Variants in OPN4 observed in about 807,000 individuals in gnomAD.
OPN4 encodes opsin 4.
In OPN4, 43 loss-of-function variants were observed where a neutral mutation model predicts 49.5. That is an observed-to-expected ratio of 0.87 (90% CI 0.68 to 1.12). The LOEUF is 1.12. Among genes scored for constraint, OPN4 ranks in the 50% most tolerant of loss-of-function variants. The pLI is 0.00. For synonymous variants in OPN4, 263 were observed against 258.0 expected, an observed-to-expected ratio of 1.02 and a Z score of -0.19; for missense variants, 657 against 643.9, an observed-to-expected ratio of 1.02 and a Z score of -0.22.
At chr10:86,659,614 A>C (rs1843955384) in intron 5 of OPN4, 146 bp downstream of exon 5, 1 of 1,208,134 alleles carries the variant, frequency 8.3e-7, no homozygotes, top group East Asian at 2.5e-5. Flanking sequence ...ATGGGGCAGC[A>C]GTGTCTAGGG....
intron 2 of OPN4, 94 bp from the exon 3 acceptor site, chr10:86,657,938 C>T (rs528318688): frequency 1.1e-4 from 144 of 1,303,616 alleles, no homozygotes; most frequent in Non-Finnish European, 1.4e-4. Flanking sequence ...GTGTGTGGCA[C>T]GTGTGTGCAC....
In OPN4 at chr10:86,665,756, C is replaced by A. The variant is rs201941468; in HGVS notation, c.*5C>A. On this transcript the variant is annotated 3_prime_UTR_variant, in exon 10 of 10. Transcript: ENST00000241891. ...AGCCAGGACCCCAGGATGTAGGACG[C>A]CCACTGGCTCTCCCTTTCTTCTGAG... 1.8e-5 allele frequency: 29 copies of A among 1,611,568 alleles called. No homozygotes were observed. In the African/African-American group the frequency reaches 3.6e-4, roughly 20 times the overall value.
rs36048742 is a variant in OPN4, at chr10:86,663,524, C to T, written c.1255-135C>T. On this transcript the variant is annotated intron_variant, in intron 8 of 9. Coordinates refer to ENST00000241891, the MANE Select transcript of OPN4 (RefSeq NM_033282.4). Reference sequence around the variant, plus strand: ...ACGGGGTTTATTTGGTGACCGGCAACGGTGCAAATGGTGTCAGGGGCCTCC... The same window carrying T: ...ACGGGGTTTATTTGGTGACCGGCAATGGTGCAAATGGTGTCAGGGGCCTCC... 1,551 of 737,032 alleles carry T rather than the reference C, an allele frequency of 2.1e-3. 22 individuals carry two copies. The African/African-American group carries it at 0.024, about 11-fold the overall frequency. The allele number at this position is 737,032 out of a possible 1,614,324, so 45.7% of individuals were successfully genotyped here. A position where few individuals can be genotyped will look rare whatever the true frequency, so the allele number is the denominator to read the frequency against.
At chr10:86,661,495 G>GC in intron 7 of OPN4, 107 bp downstream of exon 7, 1 of 785,490 alleles carries the variant, frequency 1.3e-6, no homozygotes, top group East Asian at 2.7e-5. Context: ...TAGAATGGGG[G>GC]CCACCAGCAG....
intron 9 of OPN4, among the ~76,000 whole-genome samples, chr10:86,665,044 G>C (rs1003965782): frequency 1.3e-5 from 2 of 152,162 alleles, no homozygotes; most frequent in Admixed American, 1.3e-4. Context: ...GGTGGGGAGT[G>C]GGGGGAGCAC....
Position 86,665,960 on chromosome 10 carries a change from A to C in OPN4, c.*209A>C. 3.5e-6 allele frequency: 2 copies of C among 571,812 alleles called. No homozygotes were observed. The highest frequency in any genetic ancestry group is 6.2e-6 in the Non-Finnish European group (2 of 323,654). 35.4% of individuals were successfully genotyped at this position (571,812 alleles called of 1,614,324 possible). ...ATAACGTCCTCCGCATCCACTTTCC[A>C]GCTCAGCAGCCGCACCCGAGGCTCA... On this transcript the variant is annotated 3_prime_UTR_variant, in exon 10 of 10. Transcript: ENST00000241891.
chr10:86,657,975 T>C (rs1372864366), intron 2 of OPN4, 57 bp from the exon 3 acceptor site: 1 of 1,572,390 alleles, frequency 6.4e-7, no homozygotes, highest in African/African-American at 1.4e-5. Flanking sequence ...TGCGGGAAGC[T>C]CTCCATAGCT....
In OPN4 at chr10:86,658,022, A is replaced by T; in HGVS notation, c.291-10A>T. The T allele has an allele frequency of 6.2e-7, 1 of 1,610,382 alleles. No homozygotes were observed. Among genetic ancestry groups the T allele is most frequent in the Non-Finnish European group, 8.5e-7 (1 of 1,179,356 alleles). On this transcript the variant is annotated splice_polypyrimidine_tract_variant and intron_variant, in intron 2 of 9. Transcript: ENST00000241891. ...AGGAAGCGCCTCCTAACAGCTTCTGATCCTCCCAGGAGCAGAAGCCTCCGG... is the reference window on the plus strand; with the variant it reads ...AGGAAGCGCCTCCTAACAGCTTCTGTTCCTCCCAGGAGCAGAAGCCTCCGG...
Position 86,654,809 on chromosome 10 carries a change from T to TGCCCCC in OPN4, c.26_27insGCCCCC (p.Pro10_Pro11dup). 1 of 1,554,674 alleles carries TGCCCCC rather than the reference T, an allele frequency of 6.4e-7. No individual in the cohort carries two copies. The highest frequency in any genetic ancestry group is 8.9e-7 in the Non-Finnish European group (1 of 1,128,634). ...ATGAACCCTCCTTCGGGGCCAAGAG[T>TGCCCCC]CCCGCCCAGCCCAACCCAAGAGCCC... On this transcript the variant is annotated inframe_insertion, in exon 1 of 10. Transcript: ENST00000241891.
chr10:86,654,988 C>T, intron 1 of OPN4, 61 bp downstream of exon 1: 1 of 1,534,808 alleles, frequency 6.5e-7, no homozygotes. Flanking sequence ...TGGTCCCCTC[C>T]TGGCCACACA....
chr10:86,662,503 A>G, intron 8 of OPN4, 71 bp downstream of exon 8: 1 of 1,436,150 alleles, frequency 7.0e-7, no homozygotes, highest in South Asian at 1.3e-5. Flanking sequence ...GGCTCTGGGG[A>G]ATACATAGGC....
chr10:86,663,905 C>T (rs960786738), intron 9 of OPN4, 103 bp downstream of exon 9: 15 of 1,356,972 alleles, frequency 1.1e-5, no homozygotes, highest in East Asian at 2.6e-5. Context: ...TGGGCAGGGG[C>T]GATATCCTCC....
chr10:86,664,143 C>T (rs576097778), intron 9 of OPN4, among the ~76,000 whole-genome samples: 42 of 152,170 alleles, frequency 2.8e-4, no homozygotes, highest in African/African-American at 9.4e-4. Flanking sequence ...GAGCATAGCT[C>T]GAGCATGTGT....
Position 86,665,905 on chromosome 10 carries a change from C to T in OPN4, c.*154C>T, listed in dbSNP as rs1844162489. 1.6e-6 allele frequency: 1 copy of T among 634,728 alleles called. No individual in the cohort carries two copies. The highest frequency in any genetic ancestry group is 2.8e-6 in the Non-Finnish European group (1 of 359,740). 39.3% of individuals were successfully genotyped at this position (634,728 alleles called of 1,614,324 possible). A position where few individuals can be genotyped will look rare whatever the true frequency, so the allele number is the denominator to read the frequency against. ...GGGATTCACAGCCCCAGCCCCATGG[C>T]CCCTCTCCACACCTCAAAACTCCTG... On this transcript the variant is annotated 3_prime_UTR_variant, in exon 10 of 10. Transcript: ENST00000241891.
intron 2 of OPN4, chr10:86,657,341 G>A (rs1386552867): frequency 1.5e-5 from 11 of 724,376 alleles, no homozygotes; most frequent in Admixed American, 5.5e-5. Flanking sequence ...GGACAATGAC[G>A]CCTCCCTCAG....
At position 86,658,166 on chromosome 10, in the gene OPN4, G is replaced by A; in HGVS notation, c.424+1G>A. 6.2e-7 allele frequency: 1 copy of A among 1,613,344 alleles called. No individual in the cohort carries two copies. The highest frequency in any genetic ancestry group is 1.3e-5 in the African/African-American group (1 of 74,980). ...AAGCAGTGGCTCTTTGGGGAGACAG[G>A]TAGATGCTGGGGCTCCCTTTTGCTG... On this transcript the variant is annotated splice_donor_variant, in intron 3 of 9. Coordinates refer to ENST00000241891, the MANE Select transcript of OPN4 (RefSeq NM_033282.4). LOFTEE classifies it high-confidence loss of function.
At chr10:86,664,888 G>T (rs1844108194) in intron 9 of OPN4, among the ~76,000 whole-genome samples, 2 of 152,186 alleles carry the variant, frequency 1.3e-5, no homozygotes, top group South Asian at 2.1e-4. Flanking sequence ...GGCTCAGGGG[G>T]GTTGCTGGGC....
intron 2 of OPN4, chr10:86,657,047 C>A (rs1316397221): frequency 2.3e-5 from 14 of 621,478 alleles, no homozygotes; most frequent in Non-Finnish European, 4.1e-5. Context: ...CATCTGCCCC[C>A]CTGCCTGGCT....
At position 86,654,672 on chromosome 10, in the gene OPN4, G is replaced by C; in HGVS notation, c.-112G>C. The C allele has an allele frequency of 6.9e-7, 1 of 1,440,562 alleles. No individual in the cohort carries two copies. Among genetic ancestry groups the C allele is most frequent in the Middle Eastern group, 2.2e-4 (1 of 4,584 alleles). 89.2% of individuals were successfully genotyped at this position (1,440,562 alleles called of 1,614,324 possible). ...CAGGAGAAAGCAGCGGGTAGGCTAA[G>C]CAGGGGTGCTGAGGATGGAGGAAAG... On this transcript the variant is annotated 5_prime_UTR_variant, in exon 1 of 10. Coordinates refer to ENST00000241891, the MANE Select transcript of OPN4 (RefSeq NM_033282.4).
Sources: allele counts gnomAD v4.1 joint callset (sites outside exome capture counted in the v4.1 genomes callset), GRCh38; gene constraint gnomAD v4.1.1; transcripts MANE v1.5; gene names NCBI Gene and HGNC (gene_info 2026-07-23, HGNC 2026-07-21).